SLC1A1: variants seen among roughly 807,000 people sequenced by gnomAD.
SLC1A1 encodes the protein excitatory amino acid transporter 3.
Under a neutral mutation model 53.3 loss-of-function variants are expected in SLC1A1, and 43 were observed. The ratio of observed to expected loss-of-function variants is 0.81; its 90% CI spans 0.63 to 1.04. The LOEUF is 1.04. Ranked by LOEUF, SLC1A1 falls within the 50% of genes least tolerant of loss-of-function variation. The pLI, the probability that SLC1A1 is intolerant of heterozygous loss-of-function variation, is 0.00. For synonymous variants in SLC1A1, 307 were observed against 243.2 expected, an observed-to-expected ratio of 1.26 and a Z score of -2.44; for missense variants, 748 against 664.9, an observed-to-expected ratio of 1.12 and a Z score of -1.37.
At chr9:4,521,279 T>C (rs1340028903) in intron 1 of SLC1A1, among the ~76,000 whole-genome samples, 1 of 152,260 alleles carries the variant, frequency 6.6e-6, no homozygotes, top group African/African-American at 2.4e-5. Context: ...TGGTTGTCTC[T>C]ACCAGGTACT....
intron 2 of SLC1A1, among the ~76,000 whole-genome samples, chr9:4,559,556 T>A (rs538212790): frequency 3.4e-4 from 51 of 151,626 alleles, no homozygotes; most frequent in African/African-American, 1.1e-3. Flanking sequence ...TTAAAAAAAA[T>A]GGATAGGCCT....
At position 4,490,717 on chromosome 9, in the gene SLC1A1, G is replaced by T; in HGVS notation, c.38G>T (p.Arg13Leu). The change falls in exon 1 of 12, where the codon CGC becomes CTC. Residue 13 changes from arginine (R) to leucine (L), a missense_variant. Physicochemically the swap from Arg to Leu is moderately radical, Grantham distance 102 (BLOSUM62 -2). Transcript: ENST00000262352. ...KPARKGCEWK[R>L]FLKNNWVLLS... ...GCGAGGAAAGGATGCGAGTGGAAGC[G>T]CTTCCTGAAGAATAACTGGGTGTTG... 1 of 1,612,834 alleles carries T rather than the reference G, an allele frequency of 6.2e-7. No homozygotes were observed. The highest frequency in any genetic ancestry group is 1.1e-5 in the South Asian group (1 of 91,046).
chr9:4,565,566 G>A (rs937070882), intron 4 of SLC1A1, among the ~76,000 whole-genome samples: 2 of 152,140 alleles, frequency 1.3e-5, no homozygotes, highest in African/African-American at 4.8e-5. Flanking sequence ...ACCAGATCTT[G>A]TGAGAACTCA....
At position 4,490,472 on chromosome 9, in the gene SLC1A1, A is replaced by C. The variant is rs1820189516; in HGVS notation, c.-208A>C. 1 of 341,748 alleles carries C rather than the reference A, an allele frequency of 2.9e-6. No homozygotes were observed. Among genetic ancestry groups the C allele is most frequent in the African/African-American group, 2.2e-5 (1 of 45,808 alleles). 21.2% of individuals were successfully genotyped at this position (341,748 alleles called of 1,614,324 possible). A position where few individuals can be genotyped will look rare whatever the true frequency, so the allele number is the denominator to read the frequency against. ...GGAGCCGGGCGCGCCTGCCACGCAA[A>C]ACTACCGGGCTGGCAGGGCGGCGGG... On this transcript the variant is annotated 5_prime_UTR_variant, in exon 1 of 12. Coordinates refer to ENST00000262352, the MANE Select transcript of SLC1A1 (RefSeq NM_004170.6).
intron 1 of SLC1A1, among the ~76,000 whole-genome samples, chr9:4,496,390 C>G (rs1322823499): frequency 6.6e-6 from 1 of 151,908 alleles, no homozygotes; most frequent in Admixed American, 6.6e-5. Flanking sequence ...GAGTATTTTT[C>G]TTTCTTTTTT....
intron 1 of SLC1A1, among the ~76,000 whole-genome samples, chr9:4,496,245 G>C (rs575425763): frequency 6.6e-6 from 1 of 152,144 alleles, no homozygotes; most frequent in Non-Finnish European, 1.5e-5. Flanking sequence ...GGGGGCAGGA[G>C]TGAGAGGGTC....
intron 1 of SLC1A1, among the ~76,000 whole-genome samples, chr9:4,511,619 A>ATATTTAAT (rs1821004865): frequency 6.6e-6 from 1 of 150,794 alleles, no homozygotes; most frequent in Middle Eastern, 3.2e-3. Context: ...ACTACAGCTT[A>ATATTTAAT]TATTTAATGC....
intron 1 of SLC1A1, among the ~76,000 whole-genome samples, chr9:4,513,627 T>C (rs1431345150): frequency 6.6e-6 from 1 of 152,152 alleles, no homozygotes; most frequent in South Asian, 2.1e-4. Context: ...ACAGCCACTC[T>C]AAAAAACAAT....
intron 1 of SLC1A1, among the ~76,000 whole-genome samples, chr9:4,530,186 G>A (rs376390646): frequency 4.6e-5 from 7 of 152,086 alleles, no homozygotes; most frequent in Non-Finnish European, 1.0e-4. Context: ...CATGCAAAAA[G>A]AGGGCCCAAT....
At chr9:4,499,601 A>G (rs1820566801) in intron 1 of SLC1A1, among the ~76,000 whole-genome samples, 2 of 152,190 alleles carry the variant, frequency 1.3e-5, no homozygotes, top group African/African-American at 4.8e-5. Context: ...AAAATGATCT[A>G]AACACAAAAT....
chr9:4,551,399 G>C (rs1817917678), intron 2 of SLC1A1, among the ~76,000 whole-genome samples: 1 of 152,144 alleles, frequency 6.6e-6, no homozygotes, highest in African/African-American at 2.4e-5. Context: ...AGGTATAAGA[G>C]GGTGAGGCCC....
intron 4 of SLC1A1, 101 bp from the exon 5 acceptor site, chr9:4,565,946 G>T: frequency 2.2e-6 from 2 of 910,850 alleles, no homozygotes; most frequent in South Asian, 1.3e-5. Flanking sequence ...AGAGAAACCA[G>T]AGTACTAGTT....
chr9:4,508,863 G>T (rs1820896296), intron 1 of SLC1A1, among the ~76,000 whole-genome samples: 1 of 152,218 alleles, frequency 6.6e-6, no homozygotes, highest in African/African-American at 2.4e-5. Flanking sequence ...CCTACAGTGT[G>T]TCAAGCTTGA....
At chr9:4,547,441 A>C (rs1685629770) in intron 2 of SLC1A1, among the ~76,000 whole-genome samples, 1 of 152,220 alleles carries the variant, frequency 6.6e-6, no homozygotes, top group Admixed American at 6.5e-5. Flanking sequence ...CAAAGATTCA[A>C]GGGATATGAA....
intron 1 of SLC1A1, among the ~76,000 whole-genome samples, chr9:4,504,017 C>G (rs1820721233): frequency 6.6e-6 from 1 of 152,228 alleles, no homozygotes; most frequent in Non-Finnish European, 1.5e-5. Flanking sequence ...AAGAGCAAGT[C>G]TGGTTGCTAA....
In SLC1A1 at chr9:4,501,702, C is replaced by T. The variant is rs554620333; in HGVS notation, c.91+10932C>T. ...TTGCTTGAACCCTGGAGGCAGAGGTCGCAGTGAGCCGAGATCACGCCATTG... is the reference window on the plus strand; with the variant it reads ...TTGCTTGAACCCTGGAGGCAGAGGTTGCAGTGAGCCGAGATCACGCCATTG... On this transcript the variant is annotated intron_variant, in intron 1 of 11. Transcript: ENST00000262352. Among the ~76,000 whole-genome samples the T allele has an allele frequency of 1.2e-3, 179 of 151,490 alleles. 6 individuals are homozygous for T. The highest frequency in any genetic ancestry group is 3.5e-3 in the African/African-American group (145 of 40,980).
intron 1 of SLC1A1, among the ~76,000 whole-genome samples, chr9:4,525,530 T>A (rs779254168): frequency 6.6e-6 from 1 of 152,000 alleles, no homozygotes; most frequent in African/African-American, 2.4e-5. Context: ...AGTAGGAGAA[T>A]AGGTATCCCC....
chr9:4,524,164 T>C (rs1816181668), intron 1 of SLC1A1, among the ~76,000 whole-genome samples: 2 of 152,238 alleles, frequency 1.3e-5, no homozygotes, highest in South Asian at 2.1e-4. Flanking sequence ...AAAGCAATGA[T>C]TGTTTTAATA....
intron 1 of SLC1A1, among the ~76,000 whole-genome samples, chr9:4,539,264 A>G (rs181250445): frequency 4.6e-5 from 7 of 152,306 alleles, no homozygotes; most frequent in Non-Finnish European, 8.8e-5. Context: ...GCTGGTTAGG[A>G]CCTGGAAAAA....
Sources: allele counts gnomAD v4.1 joint callset (sites outside exome capture counted in the v4.1 genomes callset), GRCh38; gene constraint gnomAD v4.1.1; transcripts MANE v1.5; gene names NCBI Gene and HGNC (gene_info 2026-07-23, HGNC 2026-07-21).